Variants in PLD5 observed in about 807,000 individuals in gnomAD.
PLD5 encodes phospholipase D family member 5.
PLD5 carries 36 observed loss-of-function variants against 61.1 expected under a neutral mutation model. The observed-to-expected ratio is 0.59, with a 90% CI of 0.45 to 0.78. PLD5 has a LOEUF of 0.78. PLD5 is among the 30% of genes least tolerant of loss of function. PLD5 has a pLI of 0.00. For missense variants in PLD5, 515 were observed against 644.4 expected (o/e 0.80, Z 2.17); for synonymous variants, 243 against 242.8 (o/e 1.00, Z -0.01).
intron 4 of PLD5, among the ~76,000 whole-genome samples, chr1:242,242,475 G>A (rs1333266847): frequency 6.6e-6 from 1 of 152,244 alleles, no homozygotes; most frequent in African/African-American, 2.4e-5. Flanking sequence ...CTAAGCAGAA[G>A]AGGGTGGATG....
At chr1:242,201,357 A>C (rs980409354) in intron 5 of PLD5, among the ~76,000 whole-genome samples, 11 of 152,236 alleles carry the variant, frequency 7.2e-5, no homozygotes, top group African/African-American at 2.7e-4. Flanking sequence ...TAAGACATAC[A>C]TTCCAATTTT....
At chr1:242,094,397 T>G (rs1660068549) in intron 9 of PLD5, among the ~76,000 whole-genome samples, 1 of 152,156 alleles carries the variant, frequency 6.6e-6, no homozygotes, top group African/African-American at 2.4e-5. Context: ...GAGATGACAC[T>G]GTTTGGGGAT....
chr1:242,204,189 G>C (rs1669174702), intron 5 of PLD5, among the ~76,000 whole-genome samples: 1 of 151,802 alleles, frequency 6.6e-6, no homozygotes, highest in Admixed American at 6.6e-5. Context: ...CTTGCAGTGA[G>C]CTGAGATCAT....
At chr1:242,095,946 ATAT>A (rs1183852674) in intron 9 of PLD5, among the ~76,000 whole-genome samples, 1 of 152,076 alleles carries the variant, frequency 6.6e-6, no homozygotes, top group Non-Finnish European at 1.5e-5. Flanking sequence ...GAATGAAATA[ATAT>A]TCTCTCTTTT....
Position 242,089,682 on chromosome 1 carries a change from G to T in PLD5, c.*172C>A. 2 of 784,754 alleles carry T rather than the reference G, an allele frequency of 2.5e-6. No homozygotes were observed. Among genetic ancestry groups the T allele is most frequent in the Non-Finnish European group, 4.0e-6 (2 of 502,638 alleles). 48.6% of individuals were successfully genotyped at this position (784,754 alleles called of 1,614,324 possible). A position where few individuals can be genotyped will look rare whatever the true frequency, so the allele number is the denominator to read the frequency against. The stretch of plus-strand genomic sequence containing the variant: ...CAAATACAAAAGTCTTAATTTTAGT[G>T]TACACGACGCTAAGATATTGTTAGA... On this transcript the variant is annotated 3_prime_UTR_variant, in exon 10 of 10. Transcript: ENST00000536534.
At chr1:242,266,471 A>G (rs1351255914) in intron 3 of PLD5, among the ~76,000 whole-genome samples, 1 of 152,252 alleles carries the variant, frequency 6.6e-6, no homozygotes, top group Non-Finnish European at 1.5e-5. Context: ...ACTGAATAAC[A>G]GTAGGTCCAC....
At chr1:242,101,690 C>T (rs1398592764) in intron 8 of PLD5, among the ~76,000 whole-genome samples, 1 of 152,056 alleles carries the variant, frequency 6.6e-6, no homozygotes, top group Non-Finnish European at 1.5e-5. Context: ...TGGCATGATA[C>T]CTAGAAAAGG....
chr1:242,173,665 C>A (rs1666915640), intron 5 of PLD5, among the ~76,000 whole-genome samples: 1 of 152,146 alleles, frequency 6.6e-6, no homozygotes, highest in African/African-American at 2.4e-5. Flanking sequence ...ACTACAGTAA[C>A]CAAAAATCAG....
chr1:242,108,366 C>G (rs144579898), intron 7 of PLD5, among the ~76,000 whole-genome samples: 40 of 152,292 alleles, frequency 2.6e-4, no homozygotes, highest in African/African-American at 9.4e-4. Context: ...CTGCCTTCCA[C>G]GTTTTCTGCA....
At chr1:242,293,372 G>A (rs140846643) in intron 2 of PLD5, among the ~76,000 whole-genome samples, 115 of 152,286 alleles carry the variant, frequency 7.6e-4, no homozygotes, top group African/African-American at 2.6e-3. Context: ...TTACAGTCCA[G>A]CAAGGTCTGA....
In PLD5 at chr1:242,401,474, C is replaced by T. The variant is rs1663930358; in HGVS notation, c.190-53232G>A. Among the ~76,000 whole-genome samples the T allele has an allele frequency of 2.0e-5, 3 of 152,290 alleles. No individual in the cohort carries two copies. In the South Asian group the frequency reaches 6.2e-4, roughly 32 times the overall value. Reference sequence around the variant, plus strand: ...ACTTGGGATTAAACACAGAATCCTTCCTGTGGCCTGTGAGGGCCGCCGGGA... The same window carrying T: ...ACTTGGGATTAAACACAGAATCCTTTCTGTGGCCTGTGAGGGCCGCCGGGA... On this transcript the variant is annotated intron_variant, in intron 1 of 9. Coordinates refer to ENST00000536534, the MANE Select transcript of PLD5 (RefSeq NM_001372062.1).
intron 5 of PLD5, among the ~76,000 whole-genome samples, chr1:242,143,499 A>G (rs2800765): frequency 0.6 from 91,293 of 152,196 alleles, 28,169 homozygotes; most frequent in African/African-American, 0.74. Context: ...ATTTCAAACA[A>G]ATCTTGAAGG....
intron 1 of PLD5, among the ~76,000 whole-genome samples, chr1:242,412,915 G>C (rs1664631826): frequency 6.6e-6 from 1 of 152,174 alleles, no homozygotes; most frequent in African/African-American, 2.4e-5. Context: ...GGGCTGCACT[G>C]TCTTACGTTC....
intron 1 of PLD5, among the ~76,000 whole-genome samples, chr1:242,516,504 C>A (rs987604053): frequency 6.6e-6 from 1 of 152,078 alleles, no homozygotes; most frequent in Non-Finnish European, 1.5e-5. Context: ...TCATATTAAA[C>A]TGATTCATAT....
chr1:242,395,059 A>ATG lies in PLD5; in HGVS notation c.190-46819_190-46818dup, dbSNP rs577528977. On this transcript the variant is annotated intron_variant, in intron 1 of 9. Transcript: ENST00000536534. Reference sequence around the variant, plus strand: ...AATGTATATGTATATATGAATATATATGTATATATATGAATATATATGTAT... The same window carrying ATG: ...AATGTATATGTATATATGAATATATATGTGTATATATATGAATATATATGTAT... Among the ~76,000 whole-genome samples the ATG allele has an allele frequency of 1.2e-3, 128 of 104,600 alleles. 13 individuals are homozygous for ATG. Among genetic ancestry groups the ATG allele is most frequent in the South Asian group, 5.9e-3 (18 of 3,058 alleles). 68.6% of individuals were successfully genotyped at this position (104,600 alleles called of 152,430 possible).
intron 5 of PLD5, among the ~76,000 whole-genome samples, chr1:242,201,940 C>T (rs1014787315): frequency 7.3e-5 from 11 of 151,550 alleles, no homozygotes; most frequent in Middle Eastern, 3.5e-3. Context: ...TGTGGCCAGG[C>T]GCAGTGGCTC....
intron 3 of PLD5, among the ~76,000 whole-genome samples, chr1:242,279,939 ATAT>A (rs1674629458): frequency 6.6e-6 from 1 of 152,188 alleles, no homozygotes; most frequent in African/African-American, 2.4e-5. Context: ...AGACAGCTGA[ATAT>A]TATTCTTTTT....
At chr1:242,482,033 G>T (rs1272729597) in intron 1 of PLD5, among the ~76,000 whole-genome samples, 1 of 152,088 alleles carries the variant, frequency 6.6e-6, no homozygotes, top group Non-Finnish European at 1.5e-5. Flanking sequence ...AAACAGAAAG[G>T]ACATCCACAA....
At chr1:242,105,535 CT>C in intron 8 of PLD5, among the ~76,000 whole-genome samples, 1 of 152,214 alleles carries the variant, frequency 6.6e-6, no homozygotes, top group Non-Finnish European at 1.5e-5. Context: ...GTTAGTTGTG[CT>C]TTTAAAAAGC....
Sources: allele counts gnomAD v4.1 joint callset (sites outside exome capture counted in the v4.1 genomes callset), GRCh38; gene constraint gnomAD v4.1.1; transcripts MANE v1.5; gene names NCBI Gene and HGNC (gene_info 2026-07-23, HGNC 2026-07-21).